GRHPR: variants seen among roughly 807,000 people sequenced by gnomAD.
GRHPR encodes the protein glyoxylate and hydroxypyruvate reductase, also known as glyoxylate reductase/hydroxypyruvate reductase.
Under a neutral mutation model 36.8 loss-of-function variants are expected in GRHPR, and 35 were observed. The observed-to-expected ratio is 0.95, with a 90% CI of 0.73 to 1.26. The LOEUF is 1.26. Among genes scored for constraint, GRHPR ranks in the 50% most tolerant of loss-of-function variants. GRHPR has a pLI of 0.00. For synonymous variants in GRHPR, 179 were observed against 181.0 expected, an observed-to-expected ratio of 0.99 and a Z score of 0.09; for missense variants, 380 against 435.0, an observed-to-expected ratio of 0.87 and a Z score of 1.12.
chr9:37,424,169 G>A (rs984291352), intron 1 of GRHPR, among the ~76,000 whole-genome samples: 2 of 152,194 alleles, frequency 1.3e-5, no homozygotes, highest in South Asian at 2.1e-4. Flanking sequence ...CAGCAACCGC[G>A]CCCATGGTAA....
chr9:37,426,746 G>A (rs973633749), intron 4 of GRHPR, 92 bp downstream of exon 4: 17 of 771,506 alleles, frequency 2.2e-5, no homozygotes, highest in Admixed American at 2.0e-4. Context: ...TTAGGAGTTC[G>A]AGACCAGTCT....
downstream of GRHPR, chr9:37,437,049 G>A (rs918864163): frequency 2.4e-5 from 10 of 419,356 alleles, no homozygotes; most frequent in East Asian, 3.2e-4. Flanking sequence ...GCATGGTGAC[G>A]CACCCCTATA....
intron 3 of GRHPR, 80 bp from the exon 4 acceptor site, chr9:37,426,458 A>T (rs1194309428): frequency 1.1e-6 from 1 of 948,556 alleles, no homozygotes; most frequent in African/African-American, 1.6e-5. Context: ...GGAGCAAAGT[A>T]ACTCCATGGA....
At chr9:37,437,066 G>C (rs309451), downstream of GRHPR, 142 of 396,662 alleles carry the variant, frequency 3.6e-4, no homozygotes, top group African/African-American at 2.8e-3. Context: ...TATAGTCCCA[G>C]CAACTCAGGA....
intron 1 of GRHPR, among the ~76,000 whole-genome samples, 191 bp from the exon 2 acceptor site, chr9:37,424,654 C>T (rs1054791471): frequency 6.6e-6 from 1 of 152,236 alleles, no homozygotes; most frequent in African/African-American, 2.4e-5. Context: ...TGCTGGGGGG[C>T]CCCTCAGCCC....
intron 8 of GRHPR, among the ~76,000 whole-genome samples, chr9:37,435,596 A>C (rs1443130003): frequency 1.3e-5 from 2 of 152,156 alleles, no homozygotes; most frequent in East Asian, 3.9e-4. Context: ...CTGTGAATTA[A>C]GTACTGAATT....
At chr9:37,431,367 G>A (rs536868408) in intron 7 of GRHPR, 25 of 309,442 alleles carry the variant, frequency 8.1e-5, no homozygotes, top group South Asian at 6.7e-4. Flanking sequence ...CTGCTGGCTG[G>A]CAGCAGTCAC....
chr9:37,433,434 A>G (rs1588763553), intron 8 of GRHPR, among the ~76,000 whole-genome samples: 2 of 151,934 alleles, frequency 1.3e-5, no homozygotes, highest in Admixed American at 6.5e-5. Context: ...GGGTTTGTCC[A>G]TGTTGGCCAG....
intron 8 of GRHPR, 50 bp downstream of exon 8, chr9:37,432,188 G>C (rs773445436): frequency 6.9e-6 from 11 of 1,598,468 alleles, no homozygotes; most frequent in Middle Eastern, 1.7e-4. Context: ...TGCAGGACCA[G>C]TGTTTTTGAG....
At chr9:37,434,534 T>C in intron 8 of GRHPR, 1 of 376,770 alleles carries the variant, frequency 2.7e-6, no homozygotes, top group South Asian at 3.8e-5. Flanking sequence ...CATGTAGAAG[T>C]AGCAGCTCCC....
At chr9:37,435,347 C>G (rs1384666785) in intron 8 of GRHPR, among the ~76,000 whole-genome samples, 1 of 152,202 alleles carries the variant, frequency 6.6e-6, no homozygotes, top group Non-Finnish European at 1.5e-5. Context: ...TACTTCATTC[C>G]TGACATATTT....
intron 6 of GRHPR, chr9:37,430,272 C>A (rs1823296355): frequency 1.7e-6 from 1 of 599,916 alleles, no homozygotes; most frequent in Non-Finnish European, 3.0e-6. Context: ...GGATCTCAAG[C>A]ATTCCCCACG....
intron 8 of GRHPR, chr9:37,434,119 G>T (rs1174998981): frequency 1.0e-5 from 4 of 398,580 alleles, no homozygotes; most frequent in Non-Finnish European, 1.8e-5. Flanking sequence ...GGCAGTCAGG[G>T]CATGAAGCTG....
chr9:37,430,093 T>C (rs970440869), intron 6 of GRHPR: 4 of 559,154 alleles, frequency 7.2e-6, no homozygotes, highest in African/African-American at 1.9e-5. Context: ...CCATTCCCCA[T>C]TGTGGGCGGA....
upstream of GRHPR, chr9:37,422,665 C>T: frequency 1.8e-6 from 2 of 1,086,098 alleles, no homozygotes; most frequent in East Asian, 5.2e-5. Flanking sequence ...CTCTCCCGCC[C>T]ACTCCAGCCT....
intron 3 of GRHPR, 135 bp from the exon 4 acceptor site, chr9:37,426,403 G>A: frequency 1.3e-6 from 1 of 774,590 alleles, no homozygotes; most frequent in Non-Finnish European, 2.4e-6. Flanking sequence ...CCGTTTTTGA[G>A]TGCTCATTTA....
Position 37,431,990 on chromosome 9 carries a change from C to T in GRHPR, c.735-18C>T. 1.9e-6 allele frequency: 3 copies of T among 1,613,816 alleles called. No individual in the cohort carries two copies. The highest frequency in any genetic ancestry group is 2.5e-6 in the Non-Finnish European group (3 of 1,179,750). ...GGAGGGATCTTCGGGGTACCCATGT[C>T]ACCACTGTCATTCCCAGGGGCGACG... On this transcript the variant is annotated intron_variant, in intron 7 of 8. Coordinates refer to ENST00000318158, the MANE Select transcript of GRHPR (RefSeq NM_012203.2).
Position 37,426,381 on chromosome 9 carries a change from A to G in GRHPR, c.288-157A>G, listed in dbSNP as rs1823075723. On this transcript the variant is annotated intron_variant, in intron 3 of 8. Transcript: ENST00000318158. ...CAAAGTGGGAGATAATCTAAATAGG[A>G]ATGAGGACTGCCCGTTTTTGAGTGC... 3 of 737,152 alleles carry G rather than the reference A, an allele frequency of 4.1e-6. No individual in the cohort carries two copies. In the South Asian group the frequency reaches 4.4e-5, roughly 11 times the overall value. 45.7% of individuals were successfully genotyped at this position (737,152 alleles called of 1,614,324 possible). A position where few individuals can be genotyped will look rare whatever the true frequency, so the allele number is the denominator to read the frequency against.
At chr9:37,422,659 C>T (rs4878690), upstream of GRHPR, 343,275 of 1,040,396 alleles carry the variant, frequency 0.33, 60,002 homozygotes, top group Admixed American at 0.5. Flanking sequence ...CGACGTCTCT[C>T]CCGCCCACTC....
Sources: gnomAD v4.1 joint callset for allele counts (sites outside exome capture counted in the v4.1 genomes callset) on GRCh38, gnomAD v4.1.1 for gene constraint, MANE v1.5 for transcripts, NCBI Gene and HGNC (gene_info 2026-07-23, HGNC 2026-07-21) for gene names.